Variants in UTRN observed in about 807,000 individuals in gnomAD.
UTRN encodes utrophin.
UTRN carries 283 observed loss-of-function variants against 463.9 expected under a neutral mutation model. The observed-to-expected ratio is 0.61, with a 90% confidence interval of 0.55 to 0.67. The LOEUF is 0.67. UTRN is among the 30% of genes least tolerant of loss of function. UTRN has a pLI of 0.00. For missense variants in UTRN, 3,922 were observed against 4,084.3 expected (o/e 0.96, Z 1.08); for synonymous variants, 1,442 against 1,431.5 (o/e 1.01, Z -0.17).
At chr6:144,532,963 A>G (rs1797196436) in intron 42 of UTRN, 122 bp from the exon 43 acceptor site, 2 of 492,086 alleles carry the variant, frequency 4.1e-6, no homozygotes, top group Non-Finnish European at 7.2e-6. Context: ...CTAACATAAA[A>G]TATCTTTCCA....
chr6:144,356,491 A>G (rs1464883040), intron 2 of UTRN, among the ~76,000 whole-genome samples: 1 of 152,184 alleles, frequency 6.6e-6, no homozygotes, highest in Non-Finnish European at 1.5e-5. Flanking sequence ...CTAAATATTC[A>G]CTATTATTAT....
At chr6:144,544,231 G>A (rs1337155367) in intron 46 of UTRN, among the ~76,000 whole-genome samples, 2 of 152,132 alleles carry the variant, frequency 1.3e-5, no homozygotes, top group African/African-American at 4.8e-5. Flanking sequence ...CTCCTACGCA[G>A]TGTTTTAATT....
intron 53 of UTRN, among the ~76,000 whole-genome samples, chr6:144,724,879 A>C (rs1162775613): frequency 6.6e-6 from 1 of 152,246 alleles, no homozygotes; most frequent in Non-Finnish European, 1.5e-5. Context: ...GGCTATTATG[A>C]ATAAGGCTAC....
chr6:144,389,261 A>T lies in UTRN; in HGVS notation c.80-13862A>T, dbSNP rs867396085. On this transcript the variant is annotated intron_variant, in intron 2 of 74. Transcript: ENST00000367545. Reference sequence around the variant, plus strand: ...TAGCCTCTCCGAAGGAGGCAATCAGATATGCATTTATCTCAGCGAGCAGAG... The same window carrying T: ...TAGCCTCTCCGAAGGAGGCAATCAGTTATGCATTTATCTCAGCGAGCAGAG... Among the ~76,000 whole-genome samples, 8 of 152,334 alleles carry T rather than the reference A, an allele frequency of 5.3e-5. 1 individual carries two copies. In the South Asian group the frequency reaches 1.2e-3, roughly 24 times the overall value.
At chr6:144,726,845 C>T (rs1787930134) in intron 53 of UTRN, among the ~76,000 whole-genome samples, 1 of 152,152 alleles carries the variant, frequency 6.6e-6, no homozygotes. Flanking sequence ...GTGAGAGTCT[C>T]CATGTTAAAC....
chr6:144,597,370 G>A (rs1398236189), intron 51 of UTRN, among the ~76,000 whole-genome samples: 3 of 152,038 alleles, frequency 2.0e-5, no homozygotes, highest in Non-Finnish European at 4.4e-5. Context: ...GCAAAAGCTA[G>A]GCATGCCTAC....
chr6:144,628,535 T>G (rs535788186), intron 51 of UTRN, among the ~76,000 whole-genome samples: 1 of 152,334 alleles, frequency 6.6e-6, no homozygotes, highest in African/African-American at 2.4e-5. Flanking sequence ...ACTGTGTTTC[T>G]TTAGAACTTC....
At position 144,744,318 on chromosome 6, in the gene UTRN, A is replaced by G. The variant is rs199664420; in HGVS notation, c.7940-3928A>G. On this transcript the variant is annotated intron_variant, in intron 54 of 74. Coordinates refer to ENST00000367545, the MANE Select transcript of UTRN (RefSeq NM_007124.3). Reference sequence around the variant, plus strand: ...AAATGGTGTATACATATATATATATATATGTGTGTGTGTGTGTGTGTGTGT... The same window carrying G: ...AAATGGTGTATACATATATATATATGTATGTGTGTGTGTGTGTGTGTGTGT... 3.5e-3 allele frequency among the ~76,000 whole-genome samples: 468 copies of G among 135,584 alleles called. 21 individuals carry two copies. In the East Asian group the frequency reaches 0.069, roughly 20 times the overall value. 88.9% of individuals were successfully genotyped at this position (135,584 alleles called of 152,430 possible).
At chr6:144,826,404 T>G (rs1197177859) in intron 66 of UTRN, among the ~76,000 whole-genome samples, 1 of 143,322 alleles carries the variant, frequency 7.0e-6, no homozygotes, top group East Asian at 2.2e-4. Flanking sequence ...TTTCAAACAC[T>G]GTTAGCTTTT....
intron 2 of UTRN, among the ~76,000 whole-genome samples, chr6:144,358,185 A>T (rs748356029): frequency 1.3e-5 from 2 of 152,274 alleles, no homozygotes; most frequent in Non-Finnish European, 2.9e-5. Context: ...TCATAGTAAC[A>T]GCAATAATGT....
At chr6:144,739,804 G>T (rs1789846837) in intron 54 of UTRN, among the ~76,000 whole-genome samples, 1 of 152,164 alleles carries the variant, frequency 6.6e-6, no homozygotes, top group African/African-American at 2.4e-5. Flanking sequence ...GAATATTCCA[G>T]GAGAGGGCTC....
chr6:144,781,858 G>A (rs1775858378), intron 60 of UTRN, 64 bp from the exon 61 acceptor site: 20 of 1,241,546 alleles, frequency 1.6e-5, no homozygotes, highest in Non-Finnish European at 2.3e-5. Context: ...CCTTTGTTGT[G>A]ATGTTGTTAT....
At chr6:144,764,572 G>C (rs1793059876) in intron 58 of UTRN, among the ~76,000 whole-genome samples, 1 of 152,126 alleles carries the variant, frequency 6.6e-6, no homozygotes, top group African/African-American at 2.4e-5. Flanking sequence ...TACAATGTAG[G>C]AAGGATCACT....
At chr6:144,295,343 G>A (rs1804583680) in intron 2 of UTRN, among the ~76,000 whole-genome samples, 1 of 152,228 alleles carries the variant, frequency 6.6e-6, no homozygotes, top group East Asian at 1.9e-4. Flanking sequence ...TGCTGTCAGT[G>A]TTGTTGTGGT....
In UTRN at chr6:144,379,537, A is replaced by G. The variant is rs574004491; in HGVS notation, c.80-23586A>G. Among the ~76,000 whole-genome samples the G allele has an allele frequency of 2.7e-3, 409 of 152,240 alleles. 2 individuals are homozygous for G. Among genetic ancestry groups the G allele is most frequent in the African/African-American group, 8.9e-3 (368 of 41,524 alleles). On this transcript the variant is annotated intron_variant, in intron 2 of 74. Coordinates refer to ENST00000367545, the MANE Select transcript of UTRN (RefSeq NM_007124.3). ...TGAGTGTCTTCATGACATGGCTGTG[A>G]GCTTCTCTTAGAGTGAGAGAGATAT...
chr6:144,511,343 A>T (rs1407895966), intron 35 of UTRN, among the ~76,000 whole-genome samples: 1 of 152,198 alleles, frequency 6.6e-6, no homozygotes, highest in Non-Finnish European at 1.5e-5. Context: ...ATCTGCATGG[A>T]ATGAGGTACT....
At chr6:144,783,646 C>T (rs915599887) in intron 61 of UTRN, among the ~76,000 whole-genome samples, 1 of 152,180 alleles carries the variant, frequency 6.6e-6, no homozygotes, top group Non-Finnish European at 1.5e-5. Flanking sequence ...TATATTCACC[C>T]TACAGTGCTA....
intron 43 of UTRN, 66 bp downstream of exon 43, chr6:144,533,326 G>A (rs1258855199): frequency 6.4e-7 from 1 of 1,558,926 alleles, no homozygotes; most frequent in Non-Finnish European, 8.7e-7. Flanking sequence ...CTTTTAAGAT[G>A]CAATCTAATG....
At chr6:144,582,688 C>T (rs1413573721) in intron 51 of UTRN, among the ~76,000 whole-genome samples, 1 of 152,166 alleles carries the variant, frequency 6.6e-6, no homozygotes, top group Non-Finnish European at 1.5e-5. Context: ...TAGACAAATC[C>T]TAACCTATTC....
Sources: allele counts gnomAD v4.1 joint callset (sites outside exome capture counted in the v4.1 genomes callset), GRCh38; gene constraint gnomAD v4.1.1; transcripts MANE v1.5; gene names NCBI Gene and HGNC (gene_info 2026-07-23, HGNC 2026-07-21).